PKIG: variants seen among roughly 807,000 people sequenced by gnomAD.
PKIG encodes the protein protein kinase (cAMP-dependent, catalytic) inhibitor gamma.
PKIG carries 1 observed loss-of-function variant against 6.8 expected under a neutral mutation model. The observed-to-expected ratio is 0.15, with a 90% confidence interval of 0.05 to 0.69. The LOEUF (loss-of-function observed/expected upper bound fraction) is 0.69. Among genes scored for constraint, PKIG ranks in the 30% least tolerant of loss-of-function variants. The pLI is 0.82. For synonymous variants in PKIG, 39 were observed against 43.0 expected (o/e 0.91, Z 0.36); for missense variants, 77 against 104.0 (o/e 0.74, Z 1.13).
chr20:44,542,393 A>G (rs1479856149), intron 1 of PKIG, among the ~76,000 whole-genome samples: 1 of 152,088 alleles, frequency 6.6e-6, no homozygotes, highest in Non-Finnish European at 1.5e-5. Context: ...TGTTTCTGCT[A>G]ATCACCAGAA....
intron 2 of PKIG, among the ~76,000 whole-genome samples, chr20:44,597,564 A>G (rs533778816): frequency 2.4e-4 from 37 of 152,272 alleles, no homozygotes; most frequent in African/African-American, 8.4e-4. Flanking sequence ...TTGGAGATGC[A>G]TTTTATAGAA....
intron 1 of PKIG, among the ~76,000 whole-genome samples, chr20:44,560,485 A>G (rs2064756957): frequency 6.6e-6 from 1 of 152,220 alleles, no homozygotes; most frequent in African/African-American, 2.4e-5. Context: ...TCAGGTAAGC[A>G]TAGCTACCAA....
chr20:44,564,653 C>T (rs1436420037), intron 1 of PKIG, among the ~76,000 whole-genome samples: 1 of 152,180 alleles, frequency 6.6e-6, no homozygotes, highest in Non-Finnish European at 1.5e-5. Flanking sequence ...AAGCCTCCTG[C>T]CTCAGCCTCT....
intron 2 of PKIG, among the ~76,000 whole-genome samples, chr20:44,613,374 G>A (rs2065236345): frequency 6.6e-6 from 1 of 152,078 alleles, no homozygotes; most frequent in South Asian, 2.1e-4. Context: ...CACTGTGTTA[G>A]CCAGGATGGT....
intron 1 of PKIG, among the ~76,000 whole-genome samples, chr20:44,551,026 A>G (rs962206174): frequency 2.0e-5 from 3 of 152,118 alleles, no homozygotes; most frequent in Non-Finnish European, 2.9e-5. Flanking sequence ...TATTATGGAC[A>G]TTATAATTCA....
At chr20:44,586,940 C>A (rs931757043) in intron 1 of PKIG, among the ~76,000 whole-genome samples, 1 of 152,208 alleles carries the variant, frequency 6.6e-6, no homozygotes, top group African/African-American at 2.4e-5. Context: ...CAAGAAATTA[C>A]AGGCTTTAGC....
chr20:44,596,545 C>CT (rs759336634), intron 2 of PKIG, among the ~76,000 whole-genome samples: 7 of 152,208 alleles, frequency 4.6e-5, no homozygotes, highest in Non-Finnish European at 5.9e-5. Flanking sequence ...GTGATGGTCC[C>CT]TGGCTTGCAA....
chr20:44,587,430 G>A (rs1018652772), intron 1 of PKIG, among the ~76,000 whole-genome samples: 1 of 152,108 alleles, frequency 6.6e-6, no homozygotes, highest in Non-Finnish European at 1.5e-5. Flanking sequence ...TATCCCCCGT[G>A]GCTTCAGAGG....
At chr20:44,601,997 C>A (rs909203599) in intron 2 of PKIG, among the ~76,000 whole-genome samples, 1 of 152,174 alleles carries the variant, frequency 6.6e-6, no homozygotes, top group Non-Finnish European at 1.5e-5. Flanking sequence ...GAGCAGGCAC[C>A]TGCAGGCACT....
At chr20:44,616,354 T>G (rs771070582) in intron 3 of PKIG, among the ~76,000 whole-genome samples, 5 of 152,136 alleles carry the variant, frequency 3.3e-5, no homozygotes, top group African/African-American at 9.7e-5. Flanking sequence ...CCTGGTGGTG[T>G]TTGGCACATG....
intron 3 of PKIG, among the ~76,000 whole-genome samples, chr20:44,617,657 C>T (rs2065278498): frequency 1.3e-5 from 2 of 152,140 alleles, no homozygotes; most frequent in Admixed American, 6.5e-5. Flanking sequence ...GTACAACACA[C>T]ACCCCATGAT....
intron 1 of PKIG, among the ~76,000 whole-genome samples, chr20:44,536,078 C>T (rs1367626126): frequency 3.3e-5 from 5 of 152,214 alleles, no homozygotes; most frequent in Admixed American, 6.5e-5. Context: ...CTTTCTGTGA[C>T]GGGCTTATTT....
At chr20:44,585,696 G>A (rs1478331995) in intron 1 of PKIG, among the ~76,000 whole-genome samples, 1 of 152,268 alleles carries the variant, frequency 6.6e-6, no homozygotes, top group Non-Finnish European at 1.5e-5. Context: ...ACTCTAGTCA[G>A]AAGTCAGAGT....
intron 1 of PKIG, among the ~76,000 whole-genome samples, chr20:44,536,037 C>T (rs1421240262): frequency 6.6e-6 from 1 of 152,228 alleles, no homozygotes; most frequent in Non-Finnish European, 1.5e-5. Context: ...ACTCTGGATA[C>T]ATCGTGTTAG....
chr20:44,579,017 TAAATA>T (rs1165698577), upstream of PKIG, among the ~76,000 whole-genome samples: 1 of 152,074 alleles, frequency 6.6e-6, no homozygotes, highest in Non-Finnish European at 1.5e-5. Context: ...ACAACATAAA[TAAATA>T]AAATAAACAG....
intron 1 of PKIG, among the ~76,000 whole-genome samples, chr20:44,536,133 T>C (rs970177459): frequency 1.3e-5 from 2 of 152,240 alleles, no homozygotes; most frequent in African/African-American, 4.8e-5. Flanking sequence ...GTGTAGCATG[T>C]GTCAGAATTT....
chr20:44,561,466 T>C (rs2064766836), intron 1 of PKIG, among the ~76,000 whole-genome samples: 1 of 152,074 alleles, frequency 6.6e-6, no homozygotes, highest in South Asian at 2.1e-4. Context: ...TTAAAGTAGA[T>C]TACCTAGCAA....
chr20:44,601,602 C>G (rs932716305), intron 2 of PKIG, among the ~76,000 whole-genome samples: 14 of 152,156 alleles, frequency 9.2e-5, no homozygotes, highest in African/African-American at 3.4e-4. Context: ...TTCAGTAGGC[C>G]CTGGCATTTC....
chr20:44,586,246 G>A (rs1237203079), intron 1 of PKIG, among the ~76,000 whole-genome samples: 2 of 152,218 alleles, frequency 1.3e-5, no homozygotes, highest in African/African-American at 4.8e-5. Flanking sequence ...AAAGCACTTA[G>A]TTAGTACAAA....
Sources: allele counts gnomAD v4.1 joint callset (sites outside exome capture counted in the v4.1 genomes callset), GRCh38; gene constraint gnomAD v4.1.1; transcripts MANE v1.5; gene names NCBI Gene and HGNC (gene_info 2026-07-23, HGNC 2026-07-21).